Variants in ZC3H3 observed in about 807,000 individuals in gnomAD.
ZC3H3 encodes the protein zinc finger CCCH domain-containing protein 3.
ZC3H3 carries 36 observed loss-of-function variants against 77.3 expected under a neutral mutation model. The observed-to-expected ratio is 0.47, with a 90% CI of 0.36 to 0.61. The LOEUF is 0.61. Among genes scored for constraint, ZC3H3 ranks in the 20% least tolerant of loss-of-function variants. The probability of loss-of-function intolerance (pLI) is 0.00; values close to 1 mark genes in which losing one functional copy is unlikely to be tolerated. For synonymous variants in ZC3H3, 626 were observed against 555.2 expected, an observed-to-expected ratio of 1.13 and a Z score of -1.79; for missense variants, 1,331 against 1,312.2, an observed-to-expected ratio of 1.01 and a Z score of -0.22.
chr8:143,476,185 T>C (rs571886613), intron 4 of ZC3H3, among the ~76,000 whole-genome samples: 162 of 152,288 alleles, frequency 1.1e-3, no homozygotes, highest in Non-Finnish European at 1.8e-3. Context: ...CAGGCTACCC[T>C]GCCTCTTCTC....
intron 3 of ZC3H3, among the ~76,000 whole-genome samples, chr8:143,513,752 G>C (rs1384554318): frequency 6.6e-6 from 1 of 152,218 alleles, no homozygotes; most frequent in African/African-American, 2.4e-5. Context: ...TGGGACAGGA[G>C]GCTCTGCCCA....
At chr8:143,528,434 A>G (rs984196676) in intron 3 of ZC3H3, among the ~76,000 whole-genome samples, 1 of 152,198 alleles carries the variant, frequency 6.6e-6, no homozygotes, top group Non-Finnish European at 1.5e-5. Context: ...GGCTCCACCC[A>G]TGCCTCACAT....
Position 143,530,111 on chromosome 8 carries a change from G to A in ZC3H3, c.1561+6146C>T, listed in dbSNP as rs1231411271. On this transcript the variant is annotated intron_variant, in intron 3 of 11. Transcript: ENST00000262577. This position sits in a 1 kb window ranked among gnomAD's most constrained non-coding sequence, Gnocchi z 4.3. ...GCTCTGGGCCAGAGGCAGATGCCCG[G>A]CCTGGCTCCTGTCAAAGCCTGGGCA... is the stretch of plus-strand genomic sequence containing the variant. Among the ~76,000 whole-genome samples the A allele has an allele frequency of 6.6e-6, 1 of 152,174 alleles. No homozygotes were observed. Among genetic ancestry groups the A allele is most frequent in the African/African-American group, 2.4e-5 (1 of 41,452 alleles).
rs34918049 is a variant in ZC3H3, at chr8:143,518,488, A to G, written c.1562-10589T>C. 8.4e-3 allele frequency among the ~76,000 whole-genome samples: 1,284 copies of G among 152,364 alleles called. 9 individuals are homozygous for G. Among genetic ancestry groups the G allele is most frequent in the African/African-American group, 0.029 (1,216 of 41,578 alleles). The stretch of plus-strand genomic sequence containing the variant: ...CACAGAAAGCAGCGGCCCCTGAGAG[A>G]AACGACGTGTCCCGCTCAGACAGAA... On this transcript the variant is annotated intron_variant, in intron 3 of 11. Coordinates refer to ENST00000262577, the MANE Select transcript of ZC3H3 (RefSeq NM_015117.3).
intron 5 of ZC3H3, among the ~76,000 whole-genome samples, chr8:143,471,681 G>A (rs111749644): frequency 3.3e-5 from 5 of 152,182 alleles, no homozygotes; most frequent in African/African-American, 1.2e-4. Context: ...AGGGACTGGG[G>A]AAGCTGGGGG....
intron 3 of ZC3H3, among the ~76,000 whole-genome samples, chr8:143,508,386 T>C (rs1325278248): frequency 6.6e-6 from 1 of 152,168 alleles, no homozygotes; most frequent in African/African-American, 2.4e-5. Flanking sequence ...GCTGGAGCAC[T>C]CACCTCCTCA....
chr8:143,534,884 C>G (rs1822742666), intron 3 of ZC3H3, among the ~76,000 whole-genome samples: 1 of 152,070 alleles, frequency 6.6e-6, no homozygotes, highest in South Asian at 2.1e-4. Flanking sequence ...TCCTCCCACC[C>G]CACTGTGCTG....
intron 4 of ZC3H3, among the ~76,000 whole-genome samples, chr8:143,506,352 C>A (rs576928629): frequency 6.6e-6 from 1 of 152,180 alleles, no homozygotes; most frequent in African/African-American, 2.4e-5. Flanking sequence ...ACCTCATTCC[C>A]GATGATCCGG....
At chr8:143,506,809 G>A (rs1431200005) in intron 4 of ZC3H3, among the ~76,000 whole-genome samples, 1 of 152,198 alleles carries the variant, frequency 6.6e-6, no homozygotes, top group African/African-American at 2.4e-5. Flanking sequence ...GTCCATACTG[G>A]TGGGTGGATC....
Position 143,522,371 on chromosome 8 carries a change from G to A in ZC3H3, c.1561+13886C>T, listed in dbSNP as rs1425359777. On this transcript the variant is annotated intron_variant, in intron 3 of 11. Coordinates refer to ENST00000262577, the MANE Select transcript of ZC3H3 (RefSeq NM_015117.3). The stretch of plus-strand genomic sequence containing the variant: ...TAATCCCAGCACTTTGCGAGGCCAA[G>A]GCCGGAGGATTACCTGAGGTCAGGA... 3.3e-5 allele frequency among the ~76,000 whole-genome samples: 5 copies of A among 152,330 alleles called. No homozygotes were observed. In the South Asian group the frequency reaches 8.3e-4, roughly 25 times the overall value.
chr8:143,484,632 G>A (rs1386332740), intron 4 of ZC3H3: 1 of 166,342 alleles, frequency 6.0e-6, no homozygotes, highest in African/African-American at 2.4e-5. Flanking sequence ...CGGCAGAGGT[G>A]CCAGGCGGCC....
chr8:143,472,381 G>A lies in ZC3H3; in HGVS notation c.1903+3017C>T, dbSNP rs1225506973. ...GGGGCTCTGCGCCCGCCAGGGCTCT[G>A]CCATGTGTGTAAATGGCAAGGCGAG... On this transcript the variant is annotated intron_variant, in intron 5 of 11. Coordinates refer to ENST00000262577, the MANE Select transcript of ZC3H3 (RefSeq NM_015117.3). Among the ~76,000 whole-genome samples, 14 of 152,246 alleles carry A rather than the reference G, an allele frequency of 9.2e-5. 1 individual carries two copies. The highest frequency in any genetic ancestry group is 9.2e-4 in the Admixed American group (14 of 15,288).
In ZC3H3 at chr8:143,438,046, C is replaced by T. The variant is rs779209233; in HGVS notation, c.*10G>A. 3.5e-5 allele frequency: 56 copies of T among 1,610,228 alleles called. No homozygotes were observed. Among genetic ancestry groups the T allele is most frequent in the Non-Finnish European group, 4.5e-5 (53 of 1,178,626 alleles). ...GGTCTGAGGTAGGTGCAGGCCGGTCCCTGGGGTCCTCACAGACGTGGTTTG... is the reference window on the plus strand; with the variant it reads ...GGTCTGAGGTAGGTGCAGGCCGGTCTCTGGGGTCCTCACAGACGTGGTTTG... On this transcript the variant is annotated 3_prime_UTR_variant, in exon 12 of 12. Coordinates refer to ENST00000262577, the MANE Select transcript of ZC3H3 (RefSeq NM_015117.3).
At chr8:143,486,471 T>C (rs1233859843) in intron 4 of ZC3H3, among the ~76,000 whole-genome samples, 4 of 152,248 alleles carry the variant, frequency 2.6e-5, no homozygotes, top group East Asian at 1.9e-4. Flanking sequence ...TGTAAGGACA[T>C]TAGTCCTAGT....
chr8:143,455,591 A>G (rs1392341034), intron 9 of ZC3H3, among the ~76,000 whole-genome samples: 1 of 152,214 alleles, frequency 6.6e-6, no homozygotes, highest in African/African-American at 2.4e-5. Flanking sequence ...ATTGTGAAGA[A>G]AGAAAAAAAG....
At position 143,462,071 on chromosome 8, in the gene ZC3H3, C is replaced by G. The variant is rs1820280153; in HGVS notation, c.2307+3646G>C. Among the ~76,000 whole-genome samples, 1 of 152,024 alleles carries G rather than the reference C, an allele frequency of 6.6e-6. No individual in the cohort carries two copies. The highest frequency in any genetic ancestry group is 2.1e-4 in the South Asian group (1 of 4,810). On this transcript the variant is annotated intron_variant, in intron 9 of 11. Coordinates refer to ENST00000262577, the MANE Select transcript of ZC3H3 (RefSeq NM_015117.3). This position sits in a 1 kb window ranked among gnomAD's most constrained non-coding sequence, Gnocchi z 4.7. ...ACATGAAGAAAAACTAAGTGAGGCC[C>G]CACCTCACACAACACGCAAATGAAG...
At chr8:143,502,239 G>T (rs568191942) in intron 4 of ZC3H3, among the ~76,000 whole-genome samples, 2 of 152,262 alleles carry the variant, frequency 1.3e-5, no homozygotes, top group Non-Finnish European at 2.9e-5. Flanking sequence ...TGTGTGACAC[G>T]GCCCCAGCCG....
At position 143,485,779 on chromosome 8, in the gene ZC3H3, C is replaced by T. The variant is rs1352703145; in HGVS notation, c.1716-10194G>A. Among the ~76,000 whole-genome samples, 119 of 152,238 alleles carry T rather than the reference C, an allele frequency of 7.8e-4. 1 individual carries two copies. Among genetic ancestry groups the T allele is most frequent in the South Asian group, 4.1e-4 (2 of 4,836 alleles). On this transcript the variant is annotated intron_variant, in intron 4 of 11. Coordinates refer to ENST00000262577, the MANE Select transcript of ZC3H3 (RefSeq NM_015117.3). Reference sequence around the variant, plus strand: ...CACAAATCAGCCAAAAGGCAAATCACACAAAAACAGGCCAACACCCAAAGA... The same window carrying T: ...CACAAATCAGCCAAAAGGCAAATCATACAAAAACAGGCCAACACCCAAAGA...
intron 3 of ZC3H3, among the ~76,000 whole-genome samples, chr8:143,517,952 T>C (rs1490955485): frequency 1.3e-5 from 2 of 152,106 alleles, no homozygotes; most frequent in African/African-American, 4.8e-5. Context: ...GGACAGCAGC[T>C]CCAGGCTCTG....
Sources: gnomAD v4.1 joint callset for allele counts (sites outside exome capture counted in the v4.1 genomes callset) on GRCh38, gnomAD v4.1.1 for gene constraint, Gnocchi (gnomAD v3.1) non-coding constraint, MANE v1.5 for transcripts, NCBI Gene and HGNC (gene_info 2026-07-23, HGNC 2026-07-21) for gene names.